Variants in ARPC1B observed in about 807,000 individuals in gnomAD.
ARPC1B encodes the protein actin related protein 2/3 complex subunit 1B, also known as actin-related protein 2/3 complex subunit 1B.
Under a neutral mutation model 46.0 loss-of-function variants are expected in ARPC1B, and 29 were observed. That is an observed-to-expected ratio of 0.63 (90% CI 0.47 to 0.86). The LOEUF (loss-of-function observed/expected upper bound fraction) is 0.86. ARPC1B is among the 40% of genes least tolerant of loss of function. The probability of loss-of-function intolerance (pLI) is 0.00; values close to 1 mark genes in which losing one functional copy is unlikely to be tolerated. For missense variants in ARPC1B, 469 were observed against 529.4 expected, an observed-to-expected ratio of 0.89 and a Z score of 1.12; for synonymous variants, 201 against 213.9, an observed-to-expected ratio of 0.94 and a Z score of 0.53.
chr7:99,390,766 C>T (rs1316022301), intron 5 of ARPC1B, 127 bp from the exon 6 acceptor site: 1 of 730,740 alleles, frequency 1.4e-6, no homozygotes, highest in Middle Eastern at 3.3e-4. Flanking sequence ...AGCGCAATCA[C>T]AGCTCACTGC....
chr7:99,387,730 C>CT (rs1266944220), intron 3 of ARPC1B, among the ~76,000 whole-genome samples: 2 of 124,296 alleles, frequency 1.6e-5, no homozygotes, highest in East Asian at 4.7e-4. Flanking sequence ...GAGCGAGACT[C>CT]TGTCTCAAAA....
Position 99,388,219 on chromosome 7 carries a change from C to G in ARPC1B, c.350C>G (p.Ser117Cys). The change falls in exon 4 of 10, where the codon TCT (serine) becomes TGT (cysteine). Residue 117 changes from serine (S) to cysteine (C), a missense_variant. Coordinates refer to ENST00000646101, the MANE Select transcript of ARPC1B (RefSeq NM_005720.4). ...AACAAGTTTGCTGTGGGCAGCGGCT[C>G]TCGTGTGATCTCCATCTGTTATTTC... ...NENKFAVGSG[S>C]RVISICYFEQ... The G allele has an allele frequency of 6.2e-7, 1 of 1,614,206 alleles. No individual in the cohort carries two copies. Among genetic ancestry groups the G allele is most frequent in the Non-Finnish European group, 8.5e-7 (1 of 1,180,018 alleles).
At chr7:99,392,409 C>T (rs978759257) in intron 7 of ARPC1B, among the ~76,000 whole-genome samples, 2 of 152,200 alleles carry the variant, frequency 1.3e-5, no homozygotes, top group East Asian at 1.9e-4. Flanking sequence ...GGGGTCTCCC[C>T]TAGAGCAGGT....
chr7:99,388,988 G>C (rs1290751155), intron 4 of ARPC1B: 1 of 146,350 alleles, frequency 6.8e-6, no homozygotes, highest in African/African-American at 2.6e-5. Context: ...CCAGGCTGGA[G>C]TGCAGTGGCA....
chr7:99,393,408 C>G (rs1371764055), intron 8 of ARPC1B, among the ~76,000 whole-genome samples: 1 of 152,078 alleles, frequency 6.6e-6, no homozygotes, highest in Non-Finnish European at 1.5e-5. Context: ...CCCTACGGTT[C>G]TCTGGGGTGG....
intron 7 of ARPC1B, 58 bp from the exon 8 acceptor site, chr7:99,392,585 CCCGGGCGGCCAGACGCCCGCCTGGCCTT>C: frequency 8.0e-7 from 1 of 1,248,260 alleles, no homozygotes; most frequent in South Asian, 1.6e-5. Context: ...GCATCTGCCT[CCCGGGCGGCCAGACGCCCGCCTGGCCTT>C]CCCTCCGGCC....
At chr7:99,392,960 T>C in intron 8 of ARPC1B, 84 bp downstream of exon 8, 1 of 1,350,060 alleles carries the variant, frequency 7.4e-7, no homozygotes. Context: ...GCCTGGAGTC[T>C]TCCTCCTGGG....
chr7:99,387,512 C>T (rs2057905), intron 3 of ARPC1B, among the ~76,000 whole-genome samples: 7,562 of 151,494 alleles, frequency 0.05, 525 homozygotes, highest in East Asian at 0.33. Flanking sequence ...CGGAGGCGGG[C>T]GGATCACCTG....
chr7:99,387,435 A>G (rs979076617), intron 3 of ARPC1B, among the ~76,000 whole-genome samples: 2 of 151,050 alleles, frequency 1.3e-5, no homozygotes, highest in Non-Finnish European at 3.0e-5. Flanking sequence ...CTGTGTCGCA[A>G]TAAAAACAAA....
At chr7:99,380,549 G>A (rs1278917108) in intron 1 of ARPC1B, among the ~76,000 whole-genome samples, 3 of 152,106 alleles carry the variant, frequency 2.0e-5, no homozygotes, top group East Asian at 3.8e-4. Flanking sequence ...TACCACTGTG[G>A]CCATCTTTTC....
rs1192294609 is a variant in ARPC1B, at chr7:99,394,556, A to T, written c.*67A>T. On this transcript the variant is annotated 3_prime_UTR_variant, in exon 10 of 10. Transcript: ENST00000646101. The stretch of plus-strand genomic sequence containing the variant: ...GCGGGGAGAGGGGTCAGGGAGGCTA[A>T]TGGTTGCTTTGCTGAATGTTTCTGG... The T allele has an allele frequency of 6.2e-7, 1 of 1,611,908 alleles. No individual in the cohort carries two copies. The highest frequency in any genetic ancestry group is 2.2e-5 in the East Asian group (1 of 44,866).
At chr7:99,391,157 C>T (rs1271759986) in intron 6 of ARPC1B, 21 bp from the exon 7 acceptor site, 2 of 1,613,742 alleles carry the variant, frequency 1.2e-6, no homozygotes, top group Non-Finnish European at 1.7e-6. Flanking sequence ...GACACCGTGA[C>T]TCACAGCTCT....
chr7:99,377,882 C>T (rs1174753073), intron 1 of ARPC1B, among the ~76,000 whole-genome samples: 1 of 151,926 alleles, frequency 6.6e-6, no homozygotes, highest in East Asian at 1.9e-4. Flanking sequence ...ATCCACCTGC[C>T]TCCGCCTCCC....
Position 99,386,734 on chromosome 7 carries a change from C to T in ARPC1B, c.114C>T (p.Ser38=), listed in dbSNP as rs144704984. Residue 38 remains serine, a synonymous_variant, in exon 3 of 10, where the codon AGC becomes AGT. Coordinates refer to ENST00000646101, the MANE Select transcript of ARPC1B (RefSeq NM_005720.4). ...ATGAGGTGCATATCTATGAAAAGAG[C>T]GGTGCCAAATGGACCAAGGTGCACG... ...NNHEVHIYEK[S]GAKWTKVHEL... is the part of the protein sequence containing the mutation. 7.0e-5 allele frequency: 113 copies of T among 1,614,054 alleles called. No homozygotes were observed. The highest frequency in any genetic ancestry group is 8.9e-5 in the Non-Finnish European group (105 of 1,179,976).
rs73710452 is a variant in ARPC1B at position 99,385,711 on chromosome 7, C to T, written c.-4C>T. The T allele has an allele frequency of 8.9e-4, 1,426 of 1,609,358 alleles. 15 individuals are homozygous for T. The African/African-American group carries it at 0.017, about 19-fold the overall frequency. On this transcript the variant is annotated 5_prime_UTR_variant, in exon 2 of 10. Coordinates refer to ENST00000646101, the MANE Select transcript of ARPC1B (RefSeq NM_005720.4). ...CCTCTCTCGGGCACAGGAGCCAAGC[C>T]GCCATGGCCTACCACAGCTTCCTGG...
intron 3 of ARPC1B, among the ~76,000 whole-genome samples, chr7:99,387,700 G>A (rs193292554): frequency 5.4e-5 from 8 of 147,874 alleles, no homozygotes; most frequent in African/African-American, 1.7e-4. Flanking sequence ...TCGTGCCAGT[G>A]CACTCCAGCT....
chr7:99,379,257 G>A lies in ARPC1B; in HGVS notation c.-14+4476G>A, dbSNP rs1316611801. Among the ~76,000 whole-genome samples the A allele has an allele frequency of 4.6e-5, 7 of 152,116 alleles. No individual in the cohort carries two copies. The East Asian group carries it at 1.2e-3, about 25-fold the overall frequency. On this transcript the variant is annotated intron_variant, in intron 1 of 9. Coordinates refer to ENST00000646101, the MANE Select transcript of ARPC1B (RefSeq NM_005720.4). ...TTTTGTTTTGTTTGGATGACTAACC[G>A]GTGCTTTAATGGTACCTTACGATTG...
At chr7:99,381,304 G>A (rs1794214208) in intron 1 of ARPC1B, among the ~76,000 whole-genome samples, 1 of 152,110 alleles carries the variant, frequency 6.6e-6, no homozygotes, top group Non-Finnish European at 1.5e-5. Flanking sequence ...ACATACATGT[G>A]TGCAGGCCTG....
intron 1 of ARPC1B, among the ~76,000 whole-genome samples, chr7:99,382,113 G>C (rs369031568): frequency 2.6e-5 from 4 of 152,286 alleles, no homozygotes; most frequent in African/African-American, 7.2e-5. Context: ...GAAAGTCCAG[G>C]GCTGGTGGGA....
Sources: gnomAD v4.1 joint callset for allele counts (sites outside exome capture counted in the v4.1 genomes callset) on GRCh38, gnomAD v4.1.1 for gene constraint, MANE v1.5 for transcripts, NCBI Gene and HGNC (gene_info 2026-07-23, HGNC 2026-07-21) for gene names.